The following PCDHGA6 variants were observed in gnomAD, a reference collection of about 807,000 sequenced individuals.
PCDHGA6 encodes protocadherin gamma-A6.
In PCDHGA6, 41 loss-of-function variants were observed where a neutral mutation model predicts 60.6. The observed-to-expected ratio is 0.68, with a 90% CI of 0.53 to 0.88. The LOEUF (loss-of-function observed/expected upper bound fraction) is 0.88, where lower values mean the gene tolerates loss of function less well. Ranked by LOEUF, PCDHGA6 falls within the 40% of genes least tolerant of loss-of-function variation. The pLI is 0.00. For missense variants in PCDHGA6, 1,312 were observed against 1,203.0 expected, an observed-to-expected ratio of 1.09 and a Z score of -1.34; for synonymous variants, 594 against 524.4, an observed-to-expected ratio of 1.13 and a Z score of -1.81.
intron 2 of PCDHGA6, among the ~76,000 whole-genome samples, chr5:141,503,855 TA>T (rs2099832899): frequency 1.3e-5 from 2 of 152,136 alleles, no homozygotes; most frequent in Non-Finnish European, 2.9e-5. Context: ...GGAAAAATTG[TA>T]AAGCAGTTCT....
intron 1 of PCDHGA6, chr5:141,413,467 G>T: frequency 6.2e-7 from 1 of 1,614,136 alleles, no homozygotes; most frequent in Non-Finnish European, 8.5e-7. Context: ...AGACCGGGAG[G>T]AGCTCTGCGC....
intron 1 of PCDHGA6, 72 bp from the exon 2 acceptor site, chr5:141,494,735 A>C: frequency 6.2e-7 from 1 of 1,610,712 alleles, no homozygotes; most frequent in Middle Eastern, 1.7e-4. Context: ...CTCCCGGCCC[A>C]TCCCTAGGGG....
rs138641753 is a variant in PCDHGA6, at chr5:141,430,814, C to T, written c.2424+54307C>T. On this transcript the variant is annotated intron_variant, in intron 1 of 3. Transcript: ENST00000517434. ...CAAAGGGCTTGTCCTGCTGGGAATC[C>T]TCCTGGGGACTCTGTGGGAGACCGG... is the stretch of plus-strand genomic sequence containing the variant. 97 of 1,534,514 alleles carry T rather than the reference C, an allele frequency of 6.3e-5. No homozygotes were observed. The African/African-American group carries it at 1.1e-3, about 17-fold the overall frequency.
At chr5:141,397,871 C>G (rs2093579938) in intron 1 of PCDHGA6, 6 of 574,628 alleles carry the variant, frequency 1.0e-5, no homozygotes, top group Non-Finnish European at 1.8e-5. Flanking sequence ...AGTGCTGACT[C>G]TGGGCGCCGC....
intron 2 of PCDHGA6, among the ~76,000 whole-genome samples, chr5:141,502,829 C>A (rs1034808123): frequency 2.0e-5 from 3 of 150,428 alleles, no homozygotes; most frequent in African/African-American, 7.4e-5. Context: ...CTTGGGGAAG[C>A]CTGGACTGGC....
rs1283688342 is a variant in PCDHGA6, at chr5:141,437,688, T to G, written c.2425-57119T>G. On this transcript the variant is annotated intron_variant, in intron 1 of 3. Transcript: ENST00000517434. ...GAGATGTTGATCAAACTGATGAGGCTAAATCTCAAGAAAGAGACACAGTTA... is the reference window on the plus strand; with the variant it reads ...GAGATGTTGATCAAACTGATGAGGCGAAATCTCAAGAAAGAGACACAGTTA... Among the ~76,000 whole-genome samples the G allele has an allele frequency of 4.0e-5, 6 of 151,890 alleles. 1 individual carries two copies. The East Asian group carries it at 1.2e-3, about 29-fold the overall frequency.
intron 1 of PCDHGA6, among the ~76,000 whole-genome samples, chr5:141,446,150 A>G (rs754792549): frequency 6.6e-6 from 1 of 152,216 alleles, no homozygotes; most frequent in Non-Finnish European, 1.5e-5. Flanking sequence ...GAATAGGTGG[A>G]ATATAAATTT....
At chr5:141,410,403 A>G (rs752705682) in intron 1 of PCDHGA6, 2 of 1,614,028 alleles carry the variant, frequency 1.2e-6, no homozygotes, top group Admixed American at 1.7e-5. Context: ...CTCTGTGTCA[A>G]GTCTGGACCT....
chr5:141,418,985 T>C, intron 1 of PCDHGA6: 1 of 1,613,882 alleles, frequency 6.2e-7, no homozygotes, highest in Non-Finnish European at 8.5e-7. Context: ...GGACCAAGAC[T>C]CAGGGGAAAA....
chr5:141,433,671 A>G (rs1376085577), intron 1 of PCDHGA6, among the ~76,000 whole-genome samples: 12 of 152,058 alleles, frequency 7.9e-5, no homozygotes, highest in Admixed American at 7.2e-4. Flanking sequence ...CCCCGTCTAT[A>G]CTAAAAAAAT....
chr5:141,508,790 C>T (rs1181979966), intron 3 of PCDHGA6, among the ~76,000 whole-genome samples: 1 of 152,072 alleles, frequency 6.6e-6, no homozygotes, highest in African/African-American at 2.4e-5. Flanking sequence ...CCCTAAATCA[C>T]TCTGGAATCC....
At chr5:141,474,133 C>T (rs35162249) in intron 1 of PCDHGA6, among the ~76,000 whole-genome samples, 9,247 of 152,260 alleles carry the variant, frequency 0.061, 334 homozygotes, top group South Asian at 0.12. Flanking sequence ...CAGAAAACTA[C>T]AGGCCTTATT....
chr5:141,412,215 C>T (rs1265657058), intron 1 of PCDHGA6: 1 of 152,240 alleles, frequency 6.6e-6, no homozygotes, highest in Non-Finnish European at 1.5e-5. Flanking sequence ...GACATAAACA[C>T]TTACTTGTTA....
chr5:141,428,563 G>A, intron 1 of PCDHGA6: 2 of 237,566 alleles, frequency 8.4e-6, no homozygotes, highest in East Asian at 1.1e-4. Flanking sequence ...CCCCCCACAA[G>A]ATCTTTCTAA....
intron 1 of PCDHGA6, chr5:141,400,041 G>T (rs1354740714): frequency 1.2e-6 from 2 of 1,613,566 alleles, no homozygotes; most frequent in South Asian, 2.2e-5. Context: ...GCCAGCGCCT[G>T]CTGGTTGCTG....
chr5:141,404,804 T>A, intron 1 of PCDHGA6: 1 of 1,613,898 alleles, frequency 6.2e-7, no homozygotes, highest in South Asian at 1.1e-5. Context: ...AGGGCTCTTC[T>A]CGGTGGGGCT....
chr5:141,423,437 C>CACGT (rs766166209), intron 1 of PCDHGA6: 1 of 1,613,952 alleles, frequency 6.2e-7, no homozygotes, highest in Non-Finnish European at 8.5e-7. Context: ...GCAGGTATGC[C>CACGT]CACGTCACAT....
chr5:141,452,884 A>C (rs746547069), intron 1 of PCDHGA6, among the ~76,000 whole-genome samples: 1 of 152,204 alleles, frequency 6.6e-6, no homozygotes, highest in Non-Finnish European at 1.5e-5. Flanking sequence ...GTAATAATTT[A>C]TTCCACTTTT....
At chr5:141,427,352 G>A (rs982774903) in intron 1 of PCDHGA6, 3 of 457,474 alleles carry the variant, frequency 6.6e-6, no homozygotes, top group African/African-American at 6.0e-5. Flanking sequence ...CTGTAACTGA[G>A]GACGCAGAAC....
Sources: allele counts gnomAD v4.1 joint callset (sites outside exome capture counted in the v4.1 genomes callset), GRCh38; gene constraint gnomAD v4.1.1; transcripts MANE v1.5; gene names NCBI Gene and HGNC (gene_info 2026-07-23, HGNC 2026-07-21).